ESRRG: variants seen among roughly 807,000 people sequenced by gnomAD.
ESRRG encodes estrogen related receptor gamma, also known as estrogen-related receptor gamma.
A neutral mutation model predicts 44.0 loss-of-function variants in ESRRG; 13 were observed. The observed-to-expected ratio is 0.30, with a 90% CI of 0.19 to 0.47. The LOEUF (loss-of-function observed/expected upper bound fraction) is 0.47. Ranked by LOEUF, ESRRG falls within the 20% of genes least tolerant of loss-of-function variation. The pLI, the probability that ESRRG is intolerant of heterozygous loss-of-function variation, is 1.00. For synonymous variants in ESRRG, 215 were observed against 214.6 expected, an observed-to-expected ratio of 1.00 and a Z score of -0.02; for missense variants, 395 against 580.6, an observed-to-expected ratio of 0.68 and a Z score of 3.29.
intron 2 of ESRRG, among the ~76,000 whole-genome samples, chr1:216,857,377 G>GA (rs1393986008): frequency 6.9e-6 from 1 of 145,784 alleles, no homozygotes; most frequent in Non-Finnish European, 1.5e-5. Flanking sequence ...AAAAAAAAAA[G>GA]AAAAAAACTT....
chr1:216,983,375 G>T (rs1410148540), intron 1 of ESRRG, among the ~76,000 whole-genome samples: 1 of 151,696 alleles, frequency 6.6e-6, no homozygotes, highest in Non-Finnish European at 1.5e-5. Flanking sequence ...AGGACTATAG[G>T]CATGCGCCAC....
At chr1:216,930,658 A>G (rs955686782) in intron 2 of ESRRG, among the ~76,000 whole-genome samples, 1 of 152,182 alleles carries the variant, frequency 6.6e-6, no homozygotes. Context: ...GTAGAAATAC[A>G]GTACTATAAT....
chr1:216,531,862 G>A (rs1457320838), intron 5 of ESRRG, among the ~76,000 whole-genome samples: 1 of 152,038 alleles, frequency 6.6e-6, no homozygotes, highest in Non-Finnish European at 1.5e-5. Flanking sequence ...ATCTGCTGGA[G>A]AGTGCATTTA....
At chr1:216,880,641 C>T (rs1303537614) in intron 2 of ESRRG, among the ~76,000 whole-genome samples, 2 of 152,052 alleles carry the variant, frequency 1.3e-5, no homozygotes, top group Non-Finnish European at 2.9e-5. Flanking sequence ...TTAGTATTTA[C>T]ATTTATAACA....
At position 216,623,213 on chromosome 1, in the gene ESRRG, G is replaced by A. The variant is rs533270366; in HGVS notation, c.589+27760C>T. 2.0e-3 allele frequency among the ~76,000 whole-genome samples: 304 copies of A among 148,504 alleles called. 2 individuals carry two copies. Among genetic ancestry groups the A allele is most frequent in the African/African-American group, 6.8e-3 (277 of 40,474 alleles). On this transcript the variant is annotated intron_variant, in intron 3 of 6. Coordinates refer to ENST00000408911, the MANE Select transcript of ESRRG (RefSeq NM_001438.4). The stretch of plus-strand genomic sequence containing the variant: ...TTCTCCTGCCTCAGCCTCCCGAGTT[G>A]CTGGGACTACAGGGGCCCACCACCA...
rs557327269 is a variant in ESRRG, at chr1:216,631,429, G to C, written c.589+19544C>G. 1.2e-4 allele frequency among the ~76,000 whole-genome samples: 19 copies of C among 152,252 alleles called. No homozygotes were observed. The South Asian group carries it at 3.9e-3, about 32-fold the overall frequency. On this transcript the variant is annotated intron_variant, in intron 3 of 6. Transcript: ENST00000408911. ...AATGCATTTACATCATATTTCAATG[G>C]ATTAAAGATTTTTGTGTGTGACTAA...
chr1:216,512,276 C>G (rs183532695), intron 6 of ESRRG, among the ~76,000 whole-genome samples: 3 of 152,132 alleles, frequency 2.0e-5, no homozygotes, highest in Admixed American at 6.5e-5. Context: ...GATCCAGTAG[C>G]CAATTTGCAC....
intron 2 of ESRRG, among the ~76,000 whole-genome samples, chr1:216,877,911 C>A (rs1334776948): frequency 6.6e-6 from 1 of 152,158 alleles, no homozygotes; most frequent in Non-Finnish European, 1.5e-5. Flanking sequence ...ATCCATTCGT[C>A]CAGTGATGGA....
intron 6 of ESRRG, among the ~76,000 whole-genome samples, chr1:216,509,198 A>G (rs1461523582): frequency 6.6e-6 from 1 of 152,198 alleles, no homozygotes; most frequent in Non-Finnish European, 1.5e-5. Flanking sequence ...AATGTAGAAC[A>G]CTAAATTTGC....
chr1:216,519,610 A>C (rs769819888), intron 5 of ESRRG, among the ~76,000 whole-genome samples, 189 bp from the exon 6 acceptor site: 11 of 152,068 alleles, frequency 7.2e-5, no homozygotes, highest in African/African-American at 2.7e-4. Flanking sequence ...AGCTTCTTCA[A>C]TTTGTGGGTA....
intron 1 of ESRRG, among the ~76,000 whole-genome samples, chr1:216,717,275 A>G (rs1416613763): frequency 6.6e-6 from 1 of 151,918 alleles, no homozygotes; most frequent in Non-Finnish European, 1.5e-5. Context: ...ATCATAGGAC[A>G]AGAAACATGT....
At chr1:216,781,031 A>C (rs1421110332) in intron 2 of ESRRG, among the ~76,000 whole-genome samples, 1 of 152,066 alleles carries the variant, frequency 6.6e-6, no homozygotes, top group East Asian at 1.9e-4. Context: ...TAATATGGTT[A>C]ACTAAGTGCT....
chr1:216,736,656 G>A (rs17680350), intron 2 of ESRRG, among the ~76,000 whole-genome samples: 9,428 of 152,162 alleles, frequency 0.062, 364 homozygotes, highest in African/African-American at 0.09. Context: ...CCTTGCGCTA[G>A]CTGCTGCATT....
chr1:216,973,826 CAA>C lies in ESRRG; in HGVS notation c.-105-34155_-105-34154del, dbSNP rs76576502. ...GGGCAACAAGAGTGAAACTCTGTCT[CAA>C]AAAAAAAAAAAAAAGAATAAAAGGA... On this transcript the variant is annotated intron_variant, in intron 1 of 7. Transcript: ENST00000359162. 7.4e-4 allele frequency among the ~76,000 whole-genome samples: 86 copies of C among 116,416 alleles called. No individual in the cohort carries two copies. In the South Asian group the frequency reaches 9.1e-3, roughly 12 times the overall value. 76.4% of individuals were successfully genotyped at this position (116,416 alleles called of 152,430 possible).
At chr1:216,818,416 C>A (rs2095208819) in intron 2 of ESRRG, among the ~76,000 whole-genome samples, 1 of 152,112 alleles carries the variant, frequency 6.6e-6, no homozygotes, top group Non-Finnish European at 1.5e-5. Flanking sequence ...GAATAAGGAA[C>A]CATCATCTGG....
chr1:216,747,265 T>A (rs571043229), intron 2 of ESRRG, among the ~76,000 whole-genome samples: 3 of 152,154 alleles, frequency 2.0e-5, no homozygotes, highest in Non-Finnish European at 4.4e-5. Flanking sequence ...TGAGAGTAAT[T>A]ACCCGCATCC....
At chr1:216,543,000 G>T (rs972324175) in intron 5 of ESRRG, among the ~76,000 whole-genome samples, 8 of 151,980 alleles carry the variant, frequency 5.3e-5, no homozygotes, top group Non-Finnish European at 1.2e-4. Flanking sequence ...AAGAACCAAA[G>T]AATGCTAAAA....
intron 2 of ESRRG, among the ~76,000 whole-genome samples, chr1:216,808,862 G>A (rs2094880873): frequency 6.6e-6 from 1 of 151,988 alleles, no homozygotes; most frequent in Non-Finnish European, 1.5e-5. Flanking sequence ...TCATTAAGCA[G>A]AACATCAAGT....
chr1:216,666,411 A>G (rs1334658364), intron 2 of ESRRG, among the ~76,000 whole-genome samples: 1 of 152,242 alleles, frequency 6.6e-6, no homozygotes, highest in African/African-American at 2.4e-5. Flanking sequence ...AGCACAAAGT[A>G]TCATTCCTAT....
Sources: gnomAD v4.1 joint callset for allele counts (sites outside exome capture counted in the v4.1 genomes callset) on GRCh38, gnomAD v4.1.1 for gene constraint, MANE v1.5 for transcripts, NCBI Gene and HGNC (gene_info 2026-07-23, HGNC 2026-07-21) for gene names.